MBD5: variants seen among roughly 807,000 people sequenced by gnomAD.
MBD5 encodes the protein methyl-CpG binding domain protein 5.
In MBD5, 13 loss-of-function variants were observed where a neutral mutation model predicts 117.3. The ratio of observed to expected loss-of-function variants is 0.11; its 90% CI spans 0.07 to 0.18. MBD5 has a LOEUF of 0.18. Among genes scored for constraint, MBD5 ranks in the 10% least tolerant of loss-of-function variants. The probability of loss-of-function intolerance (pLI) is 1.00; values close to 1 mark genes in which losing one functional copy is unlikely to be tolerated. For synonymous variants in MBD5, 727 were observed against 766.4 expected (o/e 0.95, Z 0.85); for missense variants, 1,879 against 2,093.8 (o/e 0.90, Z 2.00).
chr2:148,451,970 C>A (rs1249238631), intron 4 of MBD5, among the ~76,000 whole-genome samples: 1 of 152,042 alleles, frequency 6.6e-6, no homozygotes, highest in Non-Finnish European at 1.5e-5. Flanking sequence ...CTGTGTCTCC[C>A]AGTATTCCCA....
chr2:148,411,936 A>G (rs1705265084), intron 4 of MBD5, among the ~76,000 whole-genome samples: 1 of 152,112 alleles, frequency 6.6e-6, no homozygotes, highest in South Asian at 2.1e-4. Context: ...TATGTCTAGA[A>G]CGATATTTCC....
chr2:148,342,234 T>C lies in MBD5; in HGVS notation c.-659T>C, dbSNP rs886054902. 2.0e-5 allele frequency: 3 copies of C among 152,114 alleles called. No homozygotes were observed. The highest frequency in any genetic ancestry group is 2.9e-5 in the Non-Finnish European group (2 of 67,938). 9.4% of individuals were successfully genotyped at this position (152,114 alleles called of 1,614,324 possible). A position where few individuals can be genotyped will look rare whatever the true frequency, so the allele number is the denominator to read the frequency against. ...TCCAGAGAGAAGAGGTACTCCCTTA[T>C]AGGGACTCGTAAAGACATAGAGCAT... On this transcript the variant is annotated 5_prime_UTR_variant, in exon 4 of 14. It removes the in-frame stop codon of an upstream open reading frame in the 5' UTR. Coordinates refer to ENST00000642680, the MANE Select transcript of MBD5 (RefSeq NM_001378120.1).
intron 4 of MBD5, among the ~76,000 whole-genome samples, chr2:148,423,189 G>A (rs920637660): frequency 5.3e-5 from 8 of 152,134 alleles, no homozygotes; most frequent in East Asian, 3.9e-4. Context: ...GAGAAGGGTC[G>A]GGTTACCCAC....
intron 1 of MBD5, among the ~76,000 whole-genome samples, chr2:148,113,998 T>A (rs1398867176): frequency 6.6e-6 from 1 of 152,170 alleles, no homozygotes; most frequent in Non-Finnish European, 1.5e-5. Context: ...TTTGCACTGT[T>A]ATTGGCTGTA....
intron 1 of MBD5, among the ~76,000 whole-genome samples, chr2:148,053,231 T>C (rs1484173771): frequency 6.6e-6 from 1 of 152,184 alleles, no homozygotes; most frequent in Non-Finnish European, 1.5e-5. Context: ...ATAACTGTTA[T>C]ATCTTCTTAT....
At chr2:148,367,376 A>AGG (rs1559042089) in intron 4 of MBD5, among the ~76,000 whole-genome samples, 19 of 152,334 alleles carry the variant, frequency 1.2e-4, no homozygotes, top group Admixed American at 3.3e-4. Flanking sequence ...TAAAAACCCT[A>AGG]GAAGAAAACC....
chr2:148,144,964 G>C (rs552075305), intron 1 of MBD5, among the ~76,000 whole-genome samples: 1 of 152,308 alleles, frequency 6.6e-6, no homozygotes, highest in African/African-American at 2.4e-5. Context: ...CTTTAAAGTA[G>C]TTTTTTCCAA....
intron 3 of MBD5, among the ~76,000 whole-genome samples, chr2:148,239,259 G>A (rs1700159054): frequency 6.6e-6 from 1 of 151,978 alleles, no homozygotes; most frequent in Non-Finnish European, 1.5e-5. Flanking sequence ...GACATCGACA[G>A]TTCCTTGATC....
chr2:148,504,796 G>A (rs536985604), intron 12 of MBD5, among the ~76,000 whole-genome samples: 1 of 152,304 alleles, frequency 6.6e-6, no homozygotes, highest in East Asian at 1.9e-4. Flanking sequence ...TTAGATGAGA[G>A]CAGCAGTTGG....
chr2:148,121,435 G>A (rs1238869677), intron 1 of MBD5, among the ~76,000 whole-genome samples: 2 of 150,742 alleles, frequency 1.3e-5, no homozygotes, highest in Non-Finnish European at 3.0e-5. Context: ...ACAATGATAT[G>A]CATTTCTCTC....
chr2:148,074,603 A>G (rs546148461), intron 1 of MBD5, among the ~76,000 whole-genome samples: 47 of 149,272 alleles, frequency 3.1e-4, no homozygotes, highest in African/African-American at 1.0e-3. Context: ...CCCGGGTTCA[A>G]GCAGTTCTCC....
intron 1 of MBD5, chr2:148,055,719 AC>A (rs1250666629): frequency 1.3e-5 from 2 of 152,298 alleles, no homozygotes; most frequent in East Asian, 3.9e-4. Context: ...GTCGTGTGCC[AC>A]CGCGCTTGGC....
chr2:148,399,315 C>T (rs972713090), intron 4 of MBD5, among the ~76,000 whole-genome samples: 2 of 152,022 alleles, frequency 1.3e-5, no homozygotes, highest in Admixed American at 6.6e-5. Flanking sequence ...TGTTTGTATC[C>T]TCTTTTATTT....
In MBD5 at chr2:148,468,505, G is replaced by A; in HGVS notation, c.562G>A (p.Gly188Arg). ...AAGGCTATATGTACAAGAACTGCCT[G>A]GAAGCCAACAACAAGAACTCCACCC... The part of the protein sequence containing the change: ...MGRLYVQELP[G>R]SQQQELHPVY... The change falls in exon 8 of 14, where the codon GGA becomes AGA. Residue 188 changes from glycine (G) to arginine (R), a missense_variant. Gly to Arg is a moderately radical substitution (Grantham distance 125, BLOSUM62 -2). Around this residue, in one of 4 missense-constraint regions of MBD5, gnomAD observed 1,666 missense variants for 1,792.2 expected, o/e 0.93. Transcript: ENST00000642680. 1 of 1,613,826 alleles carries A rather than the reference G, an allele frequency of 6.2e-7. No homozygotes were observed. Among genetic ancestry groups the A allele is most frequent in the Non-Finnish European group, 8.5e-7 (1 of 1,179,846 alleles).
At chr2:148,130,693 C>T (rs1220915432) in intron 1 of MBD5, among the ~76,000 whole-genome samples, 1 of 152,062 alleles carries the variant, frequency 6.6e-6, no homozygotes, top group Non-Finnish European at 1.5e-5. Flanking sequence ...AAGGAAAAAA[C>T]AGTCGTGTTA....
chr2:148,492,939 A>G (rs1341204040), intron 11 of MBD5, among the ~76,000 whole-genome samples: 1 of 151,694 alleles, frequency 6.6e-6, no homozygotes, highest in East Asian at 1.9e-4. Flanking sequence ...ACCAATTTTG[A>G]TGTAATTTTA....
intron 4 of MBD5, among the ~76,000 whole-genome samples, chr2:148,397,768 C>T (rs1704773292): frequency 6.6e-6 from 1 of 152,030 alleles, no homozygotes. Context: ...CCTCATTTAG[C>T]ATTAGGTATA....
intron 3 of MBD5, among the ~76,000 whole-genome samples, chr2:148,248,433 G>C (rs529037515): frequency 7.9e-5 from 12 of 152,102 alleles, no homozygotes; most frequent in Non-Finnish European, 1.8e-4. Flanking sequence ...GTCCCACGTA[G>C]CTGGCAGAAG....
At chr2:148,118,452 A>G (rs1397745235) in intron 1 of MBD5, among the ~76,000 whole-genome samples, 1 of 151,402 alleles carries the variant, frequency 6.6e-6, no homozygotes, top group South Asian at 2.1e-4. Flanking sequence ...ATATATATAT[A>G]GTTTAAATTA....
Sources: gnomAD v4.1 joint callset for allele counts (sites outside exome capture counted in the v4.1 genomes callset) on GRCh38, gnomAD v4.1.1 for gene constraint, gnomAD v4.1.1 regional missense constraint, MANE v1.5 for transcripts, NCBI Gene and HGNC (gene_info 2026-07-23, HGNC 2026-07-21) for gene names.